The following DOCK3 variants were observed in gnomAD, a reference collection of about 807,000 sequenced individuals.
The protein encoded by DOCK3 is dedicator of cytokinesis protein 3.
DOCK3 carries 60 observed loss-of-function variants against 265.6 expected under a neutral mutation model. The ratio of observed to expected loss-of-function variants is 0.23; its 90% CI spans 0.18 to 0.28. The LOEUF is 0.28. Among genes scored for constraint, DOCK3 ranks in the 10% least tolerant of loss-of-function variants. The probability of loss-of-function intolerance (pLI) is 1.00; values close to 1 mark genes in which losing one functional copy is unlikely to be tolerated. For synonymous variants in DOCK3, 881 were observed against 938.0 expected, an observed-to-expected ratio of 0.94 and a Z score of 1.11; for missense variants, 1,981 against 2,594.3, an observed-to-expected ratio of 0.76 and a Z score of 5.14.
intron 1 of DOCK3, among the ~76,000 whole-genome samples, chr3:50,687,869 G>A (rs1012081323): frequency 2.6e-5 from 4 of 152,120 alleles, no homozygotes; most frequent in African/African-American, 9.7e-5. Flanking sequence ...GGCAACAAAG[G>A]TGCACACAAC....
At chr3:50,904,097 C>T (rs936775066) in intron 4 of DOCK3, among the ~76,000 whole-genome samples, 2 of 152,156 alleles carry the variant, frequency 1.3e-5, no homozygotes, top group African/African-American at 4.8e-5. Flanking sequence ...TGAACTCATC[C>T]TTTCTTATGG....
chr3:50,848,052 C>T (rs915112192), intron 3 of DOCK3, among the ~76,000 whole-genome samples: 1 of 6,016 alleles, frequency 1.7e-4, no homozygotes, highest in Middle Eastern at 0.1. Flanking sequence ...ATATCACGCT[C>T]TTCTTTGTCC....
chr3:51,201,601 T>C (rs1261964823), intron 12 of DOCK3, among the ~76,000 whole-genome samples: 3 of 152,182 alleles, frequency 2.0e-5, no homozygotes, highest in South Asian at 2.1e-4. Flanking sequence ...CTGTCAACAT[T>C]AGACAGATCA....
At chr3:50,843,034 A>C (rs768577991) in intron 3 of DOCK3, among the ~76,000 whole-genome samples, 8 of 152,224 alleles carry the variant, frequency 5.3e-5, no homozygotes, top group Non-Finnish European at 1.2e-4. Context: ...TTGTGGTTAA[A>C]GTATGAAATT....
chr3:51,010,776 T>C (rs993380361), intron 5 of DOCK3, among the ~76,000 whole-genome samples: 2 of 152,218 alleles, frequency 1.3e-5, no homozygotes, highest in African/African-American at 2.4e-5. Context: ...ACTTTTCGTA[T>C]TTACTGCTTC....
chr3:51,221,422 G>A (rs377286619), intron 14 of DOCK3, among the ~76,000 whole-genome samples: 3 of 152,172 alleles, frequency 2.0e-5, no homozygotes, highest in Admixed American at 6.5e-5. Flanking sequence ...TGCCAGTGAA[G>A]AATGTTTTTC....
intron 5 of DOCK3, among the ~76,000 whole-genome samples, chr3:50,973,110 CT>C (rs528993761): frequency 0.01 from 287 of 28,254 alleles, 1 homozygote; most frequent in African/African-American, 0.028. Flanking sequence ...ACTTAAATTT[CT>C]TTTTTTTTTT....
Position 50,889,989 on chromosome 3 carries a change from T to G in DOCK3, c.163-37T>G, listed in dbSNP as rs543868902. On this transcript the variant is annotated intron_variant, in intron 3 of 52. Coordinates refer to ENST00000266037, the MANE Select transcript of DOCK3 (RefSeq NM_004947.5). ...TATATATGAAATGTTAATCACAATT[T>G]TATTTTTTCTAACAGGAAATATTTT... is the stretch of plus-strand genomic sequence containing the variant. The G allele has an allele frequency of 2.7e-5, 37 of 1,374,844 alleles. No homozygotes were observed. In the South Asian group the frequency reaches 5.8e-4, roughly 21 times the overall value. The allele number at this position is 1,374,844 out of a possible 1,614,324, so 85.2% of individuals were successfully genotyped here.
chr3:51,258,553 G>T (rs1410064332), intron 22 of DOCK3, among the ~76,000 whole-genome samples: 2 of 152,116 alleles, frequency 1.3e-5, no homozygotes, highest in African/African-American at 4.8e-5. Context: ...CACCAGGCTG[G>T]AGTGCGGTGG....
At chr3:50,693,044 A>C (rs1008728366) in intron 1 of DOCK3, among the ~76,000 whole-genome samples, 3 of 152,088 alleles carry the variant, frequency 2.0e-5, no homozygotes, top group Non-Finnish European at 4.4e-5. Context: ...AATATATGTG[A>C]GGGTTTATTC....
chr3:51,287,355 C>G (rs2081462698), intron 27 of DOCK3, among the ~76,000 whole-genome samples: 1 of 152,094 alleles, frequency 6.6e-6, no homozygotes. Context: ...TCAAGACCAG[C>G]CTGGGCAGCA....
chr3:50,760,350 T>C (rs909144575), intron 1 of DOCK3, among the ~76,000 whole-genome samples: 25 of 152,244 alleles, frequency 1.6e-4, no homozygotes, highest in Non-Finnish European at 1.2e-4. Context: ...CTGATTTTTA[T>C]ATGCAGATGG....
intron 49 of DOCK3, among the ~76,000 whole-genome samples, chr3:51,370,760 A>G (rs1434765015): frequency 6.6e-6 from 1 of 152,184 alleles, no homozygotes; most frequent in Non-Finnish European, 1.5e-5. Context: ...AAAACAATCT[A>G]TTATCATCTC....
At chr3:51,092,656 G>A (rs1427551774) in intron 9 of DOCK3, among the ~76,000 whole-genome samples, 2 of 152,190 alleles carry the variant, frequency 1.3e-5, no homozygotes, top group Non-Finnish European at 2.9e-5. Flanking sequence ...CAGCGTTTGA[G>A]CTCTGCTAAG....
intron 7 of DOCK3, among the ~76,000 whole-genome samples, chr3:51,083,045 T>C (rs1044095504): frequency 6.6e-6 from 1 of 152,138 alleles, no homozygotes; most frequent in Non-Finnish European, 1.5e-5. Flanking sequence ...GCCCAAGGAC[T>C]GACCTTCCAC....
intron 5 of DOCK3, among the ~76,000 whole-genome samples, chr3:50,975,595 A>C (rs1341823728): frequency 6.7e-6 from 1 of 150,022 alleles, no homozygotes; most frequent in Non-Finnish European, 1.5e-5. Context: ...TATTGGCCTA[A>C]AATTCTCTTT....
intron 27 of DOCK3, among the ~76,000 whole-genome samples, chr3:51,308,120 C>G (rs2082804075): frequency 6.6e-6 from 1 of 151,654 alleles, no homozygotes; most frequent in Non-Finnish European, 1.5e-5. Context: ...TTTCATGATT[C>G]TACAGCAGCT....
intron 4 of DOCK3, among the ~76,000 whole-genome samples, chr3:50,897,296 G>C (rs1257341138): frequency 6.6e-6 from 1 of 152,114 alleles, no homozygotes; most frequent in Non-Finnish European, 1.5e-5. Context: ...TATTATTGGT[G>C]TATAAGAATG....
chr3:51,032,173 C>T (rs1172684059), intron 5 of DOCK3, among the ~76,000 whole-genome samples: 1 of 151,468 alleles, frequency 6.6e-6, no homozygotes. Flanking sequence ...TTCCAAGAAT[C>T]TCTACTTTAT....
Sources: gnomAD v4.1 joint callset for allele counts (sites outside exome capture counted in the v4.1 genomes callset) on GRCh38, gnomAD v4.1.1 for gene constraint, MANE v1.5 for transcripts, NCBI Gene and HGNC (gene_info 2026-07-23, HGNC 2026-07-21) for gene names.